The following LAMA2 variants were observed in gnomAD, a reference collection of about 807,000 sequenced individuals.
LAMA2 encodes the protein laminin subunit alpha-2.
A neutral mutation model predicts 364.8 loss-of-function variants in LAMA2; 269 were observed. The ratio of observed to expected loss-of-function variants is 0.74; its 90% confidence interval spans 0.67 to 0.82. The LOEUF (loss-of-function observed/expected upper bound fraction) is 0.82, where lower values mean the gene tolerates loss of function less well. Among genes scored for constraint, LAMA2 ranks in the 40% least tolerant of loss-of-function variants. LAMA2 has a pLI of 0.00. For synonymous variants in LAMA2, 1,379 were observed against 1,370.6 expected (o/e 1.01, Z -0.14); for missense variants, 3,807 against 3,873.2 (o/e 0.98, Z 0.45).
chr6:129,121,391 A>T (rs1776798447), intron 4 of LAMA2, among the ~76,000 whole-genome samples: 1 of 152,288 alleles, frequency 6.6e-6, no homozygotes, highest in African/African-American at 2.4e-5. Flanking sequence ...GCTGTTGTTT[A>T]CCATTGCATT....
At chr6:129,057,003 G>T (rs1454959405) in intron 2 of LAMA2, among the ~76,000 whole-genome samples, 1 of 151,842 alleles carries the variant, frequency 6.6e-6, no homozygotes, top group Non-Finnish European at 1.5e-5. Context: ...AAAGTGCTGG[G>T]ATTACAGGTG....
At chr6:129,115,986 A>G (rs1441843022) in intron 4 of LAMA2, among the ~76,000 whole-genome samples, 1 of 152,144 alleles carries the variant, frequency 6.6e-6, no homozygotes, top group Non-Finnish European at 1.5e-5. Flanking sequence ...GCATGCAATT[A>G]GCAATTTGGG....
intron 22 of LAMA2, among the ~76,000 whole-genome samples, chr6:129,311,457 G>C (rs1450947522): frequency 6.6e-6 from 1 of 152,094 alleles, no homozygotes; most frequent in Admixed American, 6.5e-5. Context: ...AAGTGTGGTG[G>C]GCCGCCATTA....
intron 3 of LAMA2, among the ~76,000 whole-genome samples, chr6:129,078,843 T>A (rs894396246): frequency 1.1e-4 from 16 of 151,724 alleles, no homozygotes; most frequent in Non-Finnish European, 2.1e-4. Context: ...ACCTTCTGTC[T>A]CTATAAATTT....
rs552947488 is a variant in LAMA2, at chr6:129,266,508, A to G, written c.2209-598A>G. Among the ~76,000 whole-genome samples, 5 of 152,290 alleles carry G rather than the reference A, an allele frequency of 3.3e-5. No individual in the cohort carries two copies. The East Asian group carries it at 7.7e-4, about 24-fold the overall frequency. On this transcript the variant is annotated intron_variant, in intron 15 of 64. Transcript: ENST00000421865. ...TTTTGTGTAAATTTGAGAAAGCATA[A>G]TAGGATGGAGGAAATTTAGCATGAA...
intron 1 of LAMA2, among the ~76,000 whole-genome samples, chr6:128,967,740 C>T (rs1017945783): frequency 1.3e-5 from 2 of 152,118 alleles, no homozygotes; most frequent in African/African-American, 4.8e-5. Flanking sequence ...TAGGGAAACA[C>T]GGATTTTACT....
intron 3 of LAMA2, among the ~76,000 whole-genome samples, chr6:129,092,207 C>T (rs1774883733): frequency 6.6e-6 from 1 of 152,208 alleles, no homozygotes; most frequent in African/African-American, 2.4e-5. Flanking sequence ...TTAAACCCTT[C>T]TCATCCTTTT....
chr6:129,493,566 GATA>G (rs1269814577), intron 58 of LAMA2, among the ~76,000 whole-genome samples: 4 of 152,168 alleles, frequency 2.6e-5, no homozygotes, highest in Non-Finnish European at 5.9e-5. Flanking sequence ...AGTTTTAAAA[GATA>G]ATGTTTGTTC....
At chr6:129,342,565 A>C in intron 30 of LAMA2, 98 bp downstream of exon 30, 1 of 1,192,024 alleles carries the variant, frequency 8.4e-7, no homozygotes, top group Non-Finnish European at 1.2e-6. Flanking sequence ...ATGTAGACAA[A>C]AATCTCAATT....
intron 1 of LAMA2, among the ~76,000 whole-genome samples, chr6:128,903,728 T>G (rs1490413642): frequency 6.6e-6 from 1 of 152,216 alleles, no homozygotes; most frequent in African/African-American, 2.4e-5. Flanking sequence ...CATCTTTCTC[T>G]TTTAAAGAGG....
rs74502449 is a variant in LAMA2 at position 128,891,540 on chromosome 6, T to C, written c.112+8183T>C. On this transcript the variant is annotated intron_variant, in intron 1 of 64. Coordinates refer to ENST00000421865, the MANE Select transcript of LAMA2 (RefSeq NM_000426.4). ...TCTCATTGGTTTGTCGTGGTACATA[T>C]GTAAAACACTGAATATAAAACATGA... Among the ~76,000 whole-genome samples, 1,430 of 152,140 alleles carry C rather than the reference T, an allele frequency of 9.4e-3. 27 individuals carry two copies. Among genetic ancestry groups the C allele is most frequent in the African/African-American group, 0.033 (1,374 of 41,546 alleles).
chr6:129,175,384 C>T (rs1323136151), intron 9 of LAMA2, among the ~76,000 whole-genome samples: 1 of 152,092 alleles, frequency 6.6e-6, no homozygotes, highest in Non-Finnish European at 1.5e-5. Flanking sequence ...TGAATTAACC[C>T]CTGTGTTTTG....
At chr6:129,083,637 A>T (rs2114843785) in intron 3 of LAMA2, among the ~76,000 whole-genome samples, 1 of 152,338 alleles carries the variant, frequency 6.6e-6, no homozygotes, top group Non-Finnish European at 1.5e-5. Flanking sequence ...CTCCAACTCA[A>T]AGATTTTTGT....
At chr6:129,427,693 T>G in intron 40 of LAMA2, 59 bp from the exon 41 acceptor site, 1 of 1,232,170 alleles carries the variant, frequency 8.1e-7, no homozygotes, top group East Asian at 2.3e-5. Flanking sequence ...GCCTTCTGGA[T>G]CCCTCCACTC....
intron 3 of LAMA2, among the ~76,000 whole-genome samples, chr6:129,092,040 A>G (rs912673569): frequency 6.6e-6 from 1 of 152,134 alleles, no homozygotes; most frequent in Non-Finnish European, 1.5e-5. Flanking sequence ...CACAGACTTA[A>G]TACATTCTCC....
chr6:129,025,241 C>T (rs1369262357), intron 1 of LAMA2, among the ~76,000 whole-genome samples: 1 of 152,162 alleles, frequency 6.6e-6, no homozygotes, highest in Non-Finnish European at 1.5e-5. Context: ...ACATCTTCCA[C>T]TTCTAGTTAC....
chr6:129,185,451 G>A (rs1367798184), intron 10 of LAMA2, among the ~76,000 whole-genome samples: 5 of 151,934 alleles, frequency 3.3e-5, no homozygotes, highest in African/African-American at 1.2e-4. Flanking sequence ...AGACAGCCAT[G>A]ATTTTTTGTA....
At chr6:129,400,929 G>A (rs929628564) in intron 37 of LAMA2, among the ~76,000 whole-genome samples, 1 of 152,164 alleles carries the variant, frequency 6.6e-6, no homozygotes, top group East Asian at 1.9e-4. Context: ...GTTAGAAATG[G>A]ATGCTCCATC....
chr6:129,175,523 C>T (rs370103046), intron 9 of LAMA2, among the ~76,000 whole-genome samples: 2 of 152,210 alleles, frequency 1.3e-5, no homozygotes, highest in African/African-American at 4.8e-5. Context: ...AATTACATAG[C>T]TCTCCATTTT....
Sources: gnomAD v4.1 joint callset for allele counts (sites outside exome capture counted in the v4.1 genomes callset) on GRCh38, gnomAD v4.1.1 for gene constraint, MANE v1.5 for transcripts, NCBI Gene and HGNC (gene_info 2026-07-23, HGNC 2026-07-21) for gene names.